AIM2: variants seen among roughly 807,000 people sequenced by gnomAD.
The protein encoded by AIM2 is interferon-inducible protein AIM2.
AIM2 carries 30 observed loss-of-function variants against 27.7 expected under a neutral mutation model. The ratio of observed to expected loss-of-function variants is 1.08; its 90% CI spans 0.81 to 1.47. The LOEUF (loss-of-function observed/expected upper bound fraction) is 1.47. AIM2 is among the 40% of genes most tolerant of loss of function. The pLI, the probability that AIM2 is intolerant of heterozygous loss-of-function variation, is 0.00. For missense variants in AIM2, 358 were observed against 411.3 expected, an observed-to-expected ratio of 0.87 and a Z score of 1.12; for synonymous variants, 141 against 145.3, an observed-to-expected ratio of 0.97 and a Z score of 0.21.
intron 1 of AIM2, among the ~76,000 whole-genome samples, chr1:159,133,551 C>T (rs573590707): frequency 4.6e-4 from 70 of 152,286 alleles, no homozygotes; most frequent in Admixed American, 4.1e-3. Flanking sequence ...CTCCCTCCAT[C>T]TGCTTTTTTT....
chr1:159,111,826 T>C (rs532811150), intron 1 of AIM2, among the ~76,000 whole-genome samples: 2 of 133,686 alleles, frequency 1.5e-5, no homozygotes, highest in Admixed American at 7.7e-5. Context: ...TATCTATCTA[T>C]CTATCATCTA....
At position 159,068,699 on chromosome 1, in the gene AIM2, C is replaced by T. The variant is rs963140976; in HGVS notation, c.265G>A (p.Asp89Asn). Reference protein sequence around the residue: ...KRLQEEKEKVDKQYKSVTKPK... With the variant: ...KRLQEEKEKVNKQYKSVTKPK... ...TTTGTTACCGATTTGTATTGCTTAT[C>T]AACTGATTAAAAAATGAAAGACATG... is the stretch of plus-strand genomic sequence containing the variant. Residue 89 changes from aspartate to asparagine, a missense_variant and splice_region_variant, in exon 3 of 6, where the codon GAT becomes AAT. Asp to Asn is a conservative substitution (Grantham distance 23). Transcript: ENST00000368130. The T allele has an allele frequency of 5.0e-6, 8 of 1,612,760 alleles. No individual in the cohort carries two copies. The African/African-American group carries it at 1.1e-4, about 22-fold the overall frequency.
upstream of AIM2, among the ~76,000 whole-genome samples, chr1:159,143,581 T>TGCACACACACAC (rs1648151042): frequency 6.9e-6 from 1 of 144,054 alleles, no homozygotes; most frequent in African/African-American, 2.6e-5. Flanking sequence ...GCTCAGTGTG[T>TGCACACACACAC]ACACACACAC....
downstream of AIM2, among the ~76,000 whole-genome samples, chr1:159,060,829 T>C (rs546742022): frequency 3.9e-5 from 6 of 152,342 alleles, no homozygotes; most frequent in South Asian, 1.2e-3. Flanking sequence ...TTTTGCATAA[T>C]TACAAATAAA....
chr1:159,146,146 A>T (rs185224917), intron 1 of AIM2, among the ~76,000 whole-genome samples: 206 of 152,146 alleles, frequency 1.4e-3, no homozygotes, highest in African/African-American at 4.9e-3. Flanking sequence ...TGTGTCTCTA[A>T]GGACATGAAG....
chr1:159,140,849 A>G (rs958562729), upstream of AIM2, among the ~76,000 whole-genome samples: 2 of 152,236 alleles, frequency 1.3e-5, no homozygotes, highest in African/African-American at 4.8e-5. Context: ...ATCAGGAATT[A>G]TGGAAATAAC....
intron 1 of AIM2, among the ~76,000 whole-genome samples, chr1:159,092,510 G>A (rs1164249820): frequency 6.6e-6 from 1 of 152,164 alleles, no homozygotes; most frequent in African/African-American, 2.4e-5. Context: ...GGAAGAACAC[G>A]GTGAAGGGTA....
chr1:159,115,130 T>C (rs1647298912), intron 1 of AIM2, among the ~76,000 whole-genome samples: 1 of 152,068 alleles, frequency 6.6e-6, no homozygotes, highest in African/African-American at 2.4e-5. Context: ...TTACAAGGGA[T>C]GTGAAGGACC....
upstream of AIM2, among the ~76,000 whole-genome samples, chr1:159,144,697 T>C (rs372433696): frequency 1.4e-4 from 21 of 152,332 alleles, no homozygotes; most frequent in African/African-American, 4.3e-4. Context: ...ATACCTCTAA[T>C]TGAATACCAC....
chr1:159,113,700 C>A (rs1647253638), intron 1 of AIM2, among the ~76,000 whole-genome samples: 1 of 152,160 alleles, frequency 6.6e-6, no homozygotes, highest in Non-Finnish European at 1.5e-5. Context: ...AGAAAACTTC[C>A]CACAGGCCTT....
At chr1:159,059,256 CACACACACACCAA>C (rs1571913448), downstream of AIM2, among the ~76,000 whole-genome samples, 1 of 151,558 alleles carries the variant, frequency 6.6e-6, no homozygotes, top group East Asian at 1.9e-4. Flanking sequence ...CTTATACACA[CACACACACACCAA>C]ACACACACAC....
intron 1 of AIM2, among the ~76,000 whole-genome samples, chr1:159,113,092 C>G (rs1478402768): frequency 2.0e-5 from 3 of 151,902 alleles, no homozygotes; most frequent in Non-Finnish European, 4.4e-5. Flanking sequence ...CTACAGGCAT[C>G]CGCCACCACG....
At chr1:159,073,190 A>G (rs1471912128) in intron 2 of AIM2, 48 bp downstream of exon 2, 1 of 1,607,764 alleles carries the variant, frequency 6.2e-7, no homozygotes, top group Middle Eastern at 1.7e-4. Context: ...GGAAAGGCCC[A>G]GGCTTGGCAG....
chr1:159,056,717 CAAAAAAAA>C, the AIM2 span, among the ~76,000 whole-genome samples: 1,408 of 44,222 alleles, frequency 0.032, 26 homozygotes, highest in African/African-American at 0.1. Flanking sequence ...GCCCAACCGG[CAAAAAAAA>C]AAAAAAAAAA....
intron 1 of AIM2, chr1:159,081,892 CTT>C (rs1656786412): frequency 6.6e-6 from 1 of 152,312 alleles, no homozygotes; most frequent in African/African-American, 2.4e-5. Context: ...GTGAAGCACT[CTT>C]AATTTTTGTT....
At chr1:159,092,103 C>T (rs1388365494) in intron 1 of AIM2, among the ~76,000 whole-genome samples, 1 of 152,158 alleles carries the variant, frequency 6.6e-6, no homozygotes, top group African/African-American at 2.4e-5. Flanking sequence ...TATAACCTAA[C>T]AATTCTAATT....
At chr1:159,131,703 C>A (rs780653862) in intron 1 of AIM2, among the ~76,000 whole-genome samples, 1 of 152,046 alleles carries the variant, frequency 6.6e-6, no homozygotes, top group Non-Finnish European at 1.5e-5. Flanking sequence ...AGAAAGTGGG[C>A]GGACAACAAA....
upstream of AIM2, among the ~76,000 whole-genome samples, chr1:159,141,597 A>G (rs1174463015): frequency 6.6e-6 from 1 of 152,228 alleles, no homozygotes; most frequent in Middle Eastern, 3.4e-3. Context: ...TAAAAGAGGC[A>G]CCTGCCAGGT....
chr1:159,098,644 T>C (rs1158743668), intron 1 of AIM2, among the ~76,000 whole-genome samples: 2 of 152,248 alleles, frequency 1.3e-5, no homozygotes, highest in African/African-American at 4.8e-5. Context: ...CACGGGATGC[T>C]GAAGGAAAAA....
Sources: gnomAD v4.1 joint callset for allele counts (sites outside exome capture counted in the v4.1 genomes callset) on GRCh38, gnomAD v4.1.1 for gene constraint, MANE v1.5 for transcripts, NCBI Gene and HGNC (gene_info 2026-07-23, HGNC 2026-07-21) for gene names.